The following IGSF22 variants were observed in gnomAD, a reference collection of about 807,000 sequenced individuals.
IGSF22 encodes immunoglobulin superfamily, member 22.
Under a neutral mutation model 127.0 loss-of-function variants are expected in IGSF22, and 119 were observed. That is an observed-to-expected ratio of 0.94 (90% confidence interval 0.81 to 1.09). The LOEUF is 1.09. Ranked by LOEUF, IGSF22 falls within the 50% of genes least tolerant of loss-of-function variation. The pLI is 0.00. For synonymous variants in IGSF22, 568 were observed against 664.7 expected (o/e 0.85, Z 2.24); for missense variants, 1,518 against 1,716.6 (o/e 0.88, Z 2.04).
chr11:18,722,066 A>G, intron 2 of IGSF22, 25 bp from the exon 3 acceptor site: 1 of 1,612,950 alleles, frequency 6.2e-7, no homozygotes, highest in African/African-American at 1.3e-5. Flanking sequence ...GAGAGGTCAG[A>G]ATGGGCTCCA....
rs373444653 is a variant in IGSF22, at chr11:18,707,979, G to A, written c.3105C>T (p.Asp1035=). 24 of 1,613,980 alleles carry A rather than the reference G, an allele frequency of 1.5e-5. No homozygotes were observed. The highest frequency in any genetic ancestry group is 1.6e-4 in the Middle Eastern group (1 of 6,074). The part of the protein sequence containing the change: ...HAAFSGSPPP[D]VIWQKDGVPT... ...GAACGCCATCTTTCTGCCAGATCAC[G>A]TCAGGTGGTGGTGAGCCCTGAGTAG... Residue 1035 remains aspartate (D), a synonymous_variant, in exon 20 of 23, where the codon GAC becomes GAT. Transcript: ENST00000513874.
chr11:18,711,298 C>T (rs1848351821), intron 15 of IGSF22, among the ~76,000 whole-genome samples: 1 of 152,194 alleles, frequency 6.6e-6, no homozygotes, highest in Admixed American at 6.5e-5. Flanking sequence ...AACTTTCCTA[C>T]AGTGTGACCC....
rs143115770 is a variant in IGSF22, at chr11:18,720,227, T to C, written c.437A>G (p.His146Arg). ...DNYKCIASND[H>R]ADAIYTVSLL... ...AGATACGGTATAGATGGCATCTGCATGGTCATTGCTTGCAATGCACTTATA... is the reference window on the plus strand; with the variant it reads ...AGATACGGTATAGATGGCATCTGCACGGTCATTGCTTGCAATGCACTTATA... Residue 146 changes from histidine to arginine, a missense_variant, in exon 5 of 23, where the codon CAT (histidine) becomes CGT (arginine). Physicochemically the swap from His to Arg is conservative, Grantham distance 29 (BLOSUM62 0). Coordinates refer to ENST00000513874, the MANE Select transcript of IGSF22 (RefSeq NM_173588.4). 9.4e-5 allele frequency: 152 copies of C among 1,614,188 alleles called. No homozygotes were observed. In the African/African-American group the frequency reaches 1.5e-3, roughly 16 times the overall value.
rs1459421779 is a variant in IGSF22, at chr11:18,715,664, C to T, written c.1299G>A (p.Arg433=). 4 of 1,613,832 alleles carry T rather than the reference C, an allele frequency of 2.5e-6. No individual in the cohort carries two copies. The highest frequency in any genetic ancestry group is 1.1e-5 in the South Asian group (1 of 91,082). ...SNLKNVRVKE[R]SRACLECELT... ...GCTCACACTCCAGGCATGCGCGACT[C>T]CTCTCTTTCACACGTACATTTTTGA... Residue 433 remains arginine (R), a synonymous_variant, in exon 11 of 23, where the codon AGG becomes AGA. Coordinates refer to ENST00000513874, the MANE Select transcript of IGSF22 (RefSeq NM_173588.4).
In IGSF22 at chr11:18,706,266, A is replaced by T. The variant is rs529697586; in HGVS notation, c.3581-120T>A. The T allele has an allele frequency of 5.3e-4, 502 of 948,846 alleles. 1 individual carries two copies. In the African/African-American group the frequency reaches 7.9e-3, roughly 15 times the overall value. The allele number at this position is 948,846 out of a possible 1,614,324, so 58.8% of individuals were successfully genotyped here. A position where few individuals can be genotyped will look rare whatever the true frequency, so the allele number is the denominator to read the frequency against. ...CCTAGGCCACATTCCCAGCGCCACC[A>T]ACTCTGGGGGCCCAATGTTACACTG... is the stretch of plus-strand genomic sequence containing the variant. On this transcript the variant is annotated intron_variant, in intron 21 of 22. Coordinates refer to ENST00000513874, the MANE Select transcript of IGSF22 (RefSeq NM_173588.4).
chr11:18,722,158 G>A lies in IGSF22; in HGVS notation c.110-117C>T. On this transcript the variant is annotated intron_variant, in intron 2 of 22. Coordinates refer to ENST00000513874, the MANE Select transcript of IGSF22 (RefSeq NM_173588.4). The stretch of plus-strand genomic sequence containing the variant: ...ATGGGAACAAAGAGCATTTAGGGAA[G>A]TGGGAGCAGGACCAGCTACATGGGG... The A allele has an allele frequency of 2.4e-6, 3 of 1,234,734 alleles. No individual in the cohort carries two copies. The South Asian group carries it at 4.0e-5, about 16-fold the overall frequency. The allele number at this position is 1,234,734 out of a possible 1,614,324, so 76.5% of individuals were successfully genotyped here.
intron 2 of IGSF22, among the ~76,000 whole-genome samples, chr11:18,723,521 C>G (rs1375642338): frequency 6.6e-6 from 1 of 152,232 alleles, no homozygotes; most frequent in African/African-American, 2.4e-5. Flanking sequence ...GAAGGGGTAT[C>G]CAATGTCTTG....
rs1258294738 is a variant in IGSF22, at chr11:18,724,133, A to T, written c.104T>A (p.Val35Glu). The change falls in exon 2 of 23, where the codon GTG becomes GAG. Residue 35 changes from valine to glutamate, a missense_variant. By Grantham distance (121) the Val-to-Glu change is moderately radical. Coordinates refer to ENST00000513874, the MANE Select transcript of IGSF22 (RefSeq NM_173588.4). The stretch of plus-strand genomic sequence containing the variant: ...CCTGCCCCCATTCCACTTGCCTCCC[A>T]CGATCTTGGTTGTCTGGGAGAAGGT... ...VQTFSQTTKIVGEEVVRRKSS... is the reference protein window; with the variant it reads ...VQTFSQTTKIEGEEVVRRKSS... 34 of 1,612,098 alleles carry T rather than the reference A, an allele frequency of 2.1e-5. No homozygotes were observed. The highest frequency in any genetic ancestry group is 2.9e-5 in the Non-Finnish European group (34 of 1,178,482).
chr11:18,714,664 G>C lies in IGSF22; in HGVS notation c.1532-40C>G, dbSNP rs1195120185. The C allele has an allele frequency of 1.8e-5, 29 of 1,608,530 alleles. No individual in the cohort carries two copies. In the Middle Eastern group the frequency reaches 5.0e-4, roughly 27 times the overall value. On this transcript the variant is annotated intron_variant, in intron 11 of 22. Transcript: ENST00000513874. ...GGGCAAGGGACTGGCTCAGGATGTT[G>C]GGGTGGGAGGGACTTCTGGGAAAAG...
At chr11:18,711,964 A>T (rs1340704420) in intron 15 of IGSF22, 118 bp downstream of exon 15, 1 of 883,040 alleles carries the variant, frequency 1.1e-6, no homozygotes, top group African/African-American at 1.7e-5. Context: ...GGTCTGTCTC[A>T]TGAGACAGCC....
At chr11:18,713,486 C>T (rs1320355328) in intron 14 of IGSF22, among the ~76,000 whole-genome samples, 1 of 152,192 alleles carries the variant, frequency 6.6e-6, no homozygotes, top group African/African-American at 2.4e-5. Context: ...ACCTCTCTTT[C>T]ACCTCATTTC....
At chr11:18,710,192 C>T (rs1848324702) in intron 17 of IGSF22, 135 bp downstream of exon 17, 1 of 1,158,628 alleles carries the variant, frequency 8.6e-7, no homozygotes, top group African/African-American at 1.5e-5. Flanking sequence ...AATCTTGTCC[C>T]TCTATGAGGC....
intron 15 of IGSF22, 131 bp downstream of exon 15, chr11:18,711,951 A>G: frequency 1.3e-6 from 1 of 760,172 alleles, no homozygotes; most frequent in South Asian, 1.9e-5. Flanking sequence ...TTACTCTGGA[A>G]TCGGTCTGTC....
rs1564867161 is a variant in IGSF22 at position 18,707,231 on chromosome 11, TC to T, written c.3281-19del. The stretch of plus-strand genomic sequence containing the variant: ...AGGGAAATCTGGAAGAGTTGGAAGA[TC>T]TGTCAGCGACCTTGGGGCACCTGAA... On this transcript the variant is annotated intron_variant, in intron 20 of 22. Transcript: ENST00000513874. The T allele has an allele frequency of 6.6e-7, 1 of 1,508,540 alleles. No homozygotes were observed. The highest frequency in any genetic ancestry group is 1.3e-5 in the South Asian group (1 of 76,638). 93.4% of individuals were successfully genotyped at this position (1,508,540 alleles called of 1,614,324 possible). A position where few individuals can be genotyped will look rare whatever the true frequency, so the allele number is the denominator to read the frequency against.
Position 18,716,858 on chromosome 11 carries a change from C to G in IGSF22, c.1116G>C (p.Lys372Asn), listed in dbSNP as rs1287631898. 3 of 1,614,102 alleles carry G rather than the reference C, an allele frequency of 1.9e-6. No individual in the cohort carries two copies. Among genetic ancestry groups the G allele is most frequent in the Non-Finnish European group, 2.5e-6 (3 of 1,180,056 alleles). ...CATCTTCGGACACCGTGATTTCATA[C>G]TTGTCATCCCTCTTCAGCTCCTTCC... is the stretch of plus-strand genomic sequence containing the variant. Reference protein sequence around the residue: ...FNGKELKRDDKYEITVSEDGL... With the variant: ...FNGKELKRDDNYEITVSEDGL... Residue 372 changes from lysine to asparagine, a missense_variant, in exon 10 of 23, where the codon AAG becomes AAC. By Grantham distance (94) the Lys-to-Asn change is moderately conservative (BLOSUM62 0). Coordinates refer to ENST00000513874, the MANE Select transcript of IGSF22 (RefSeq NM_173588.4). The surrounding 1 kb of genome is among the most constrained non-coding windows in gnomAD (Gnocchi z 4.5).
Position 18,708,232 on chromosome 11 carries a change from G to A in IGSF22, c.3062C>T (p.Ala1021Val). ...AGAGAAGGCTGCATGGATGCAGAGG[G>A]CTGTCCCAGCGCGAACCACCATGTG... The part of the protein sequence containing the change: ...KSHMVVRAGT[A>V]LCIHAAFSGS... Residue 1021 changes from alanine (A) to valine (V), a missense_variant, in exon 19 of 23, where the codon GCC (alanine) becomes GTC (valine). Ala to Val is a moderately conservative substitution (Grantham distance 64, BLOSUM62 0). Around this residue, in one of 3 missense-constraint regions of IGSF22, gnomAD observed 1,456 missense variants for 1,644.9 expected, o/e 0.89. Coordinates refer to ENST00000513874, the MANE Select transcript of IGSF22 (RefSeq NM_173588.4). 1.3e-6 allele frequency: 2 copies of A among 1,548,062 alleles called. No individual in the cohort carries two copies. Among genetic ancestry groups the A allele is most frequent in the Non-Finnish European group, 1.7e-6 (2 of 1,145,256 alleles).
At position 18,707,475 on chromosome 11, in the gene IGSF22, A is replaced by G. The variant is rs770544169; in HGVS notation, c.3281-262T>C. 155 of 528,312 alleles carry G rather than the reference A, an allele frequency of 2.9e-4. 1 individual carries two copies. Among genetic ancestry groups the G allele is most frequent in the Non-Finnish European group, 3.1e-4 (93 of 302,164 alleles). The allele number at this position is 528,312 out of a possible 1,614,324, so 32.7% of individuals were successfully genotyped here. A position where few individuals can be genotyped will look rare whatever the true frequency, so the allele number is the denominator to read the frequency against. On this transcript the variant is annotated intron_variant, in intron 20 of 22. Transcript: ENST00000513874. ...TATTTCGTAGAAATAGTGGGTAAAG[A>G]GACTGGCATGTAGTTACTGTTCAGT...
At position 18,706,114 on chromosome 11, in the gene IGSF22, CG is replaced by C; in HGVS notation, c.3612del (p.Tyr1204Ter). The C allele has an allele frequency of 6.5e-7, 1 of 1,545,204 alleles. No homozygotes were observed. Among genetic ancestry groups the C allele is most frequent in the Non-Finnish European group, 8.7e-7 (1 of 1,146,776 alleles). On this transcript the variant is annotated frameshift_variant, in exon 22 of 23. Coordinates refer to ENST00000513874, the MANE Select transcript of IGSF22 (RefSeq NM_173588.4). LOFTEE classifies it high-confidence loss of function. ...GGCGCGTGGCGCCAGTCCTTCTTCT[CG>C]TAGGGCTTGAGCTTGGCGCTCAGGT... ...IQDLSAKLKPYEKKDWRHAPR... is the reference protein window; with the variant it reads ...IQDLSAKLKPXEKKDWRHAPR...
In IGSF22 at chr11:18,721,961, C is replaced by T; in HGVS notation, c.190G>A (p.Asp64Asn). Residue 64 changes from aspartate (D) to asparagine (N), a missense_variant, in exon 3 of 23, where the codon GAC becomes AAC. Around this residue, in one of 3 missense-constraint regions of IGSF22, gnomAD observed 1,456 missense variants for 1,644.9 expected, o/e 0.89. Coordinates refer to ENST00000513874, the MANE Select transcript of IGSF22 (RefSeq NM_173588.4). ...VTRSSNIPAG[D>N]SVPEFVEKPQ... ...TTCTCCACGAACTCAGGGACGCTGT[C>T]GCCCGCAGGGATGTTTGAGCTCCGG... is the stretch of plus-strand genomic sequence containing the variant. 6 of 1,613,980 alleles carry T rather than the reference C, an allele frequency of 3.7e-6. 1 individual carries two copies. In the South Asian group the frequency reaches 4.4e-5, roughly 12 times the overall value.
Sources: allele counts gnomAD v4.1 joint callset (sites outside exome capture counted in the v4.1 genomes callset), GRCh38; gene constraint gnomAD v4.1.1; regional missense constraint gnomAD v4.1.1; non-coding constraint Gnocchi (gnomAD v3.1); transcripts MANE v1.5; gene names NCBI Gene and HGNC (gene_info 2026-07-23, HGNC 2026-07-21).